Variants in ZCWPW2 observed in about 807,000 individuals in gnomAD.
ZCWPW2 encodes the protein zinc finger CW-type PWWP domain protein 2.
Under a neutral mutation model 46.6 loss-of-function variants are expected in ZCWPW2, and 45 were observed. That is an observed-to-expected ratio of 0.96 (90% CI 0.76 to 1.24). ZCWPW2 has a LOEUF of 1.24. Ranked by LOEUF, ZCWPW2 falls within the 50% of genes most tolerant of loss-of-function variation. The pLI is 0.00. For synonymous variants in ZCWPW2, 152 were observed against 137.1 expected (o/e 1.11, Z -0.76); for missense variants, 429 against 403.9 (o/e 1.06, Z -0.53).
chr3:28,445,647 A>G (rs1222566293), intron 4 of ZCWPW2, among the ~76,000 whole-genome samples: 1 of 152,162 alleles, frequency 6.6e-6, no homozygotes, highest in African/African-American at 2.4e-5. Flanking sequence ...AAAAGCTGTA[A>G]GACATGTTGA....
At chr3:28,518,164 A>G (rs1248674264) in intron 8 of ZCWPW2, among the ~76,000 whole-genome samples, 1 of 148,340 alleles carries the variant, frequency 6.7e-6, no homozygotes, top group Non-Finnish European at 1.5e-5. Context: ...AAATCTAGAT[A>G]TGGACTTCGC....
intron 3 of ZCWPW2, among the ~76,000 whole-genome samples, chr3:28,433,853 G>T (rs1697373938): frequency 6.6e-6 from 1 of 150,538 alleles, no homozygotes; most frequent in African/African-American, 2.4e-5. Context: ...AGCCTCAAAG[G>T]AGTGCTGGGA....
At chr3:28,431,420 C>T (rs1409981161) in intron 3 of ZCWPW2, among the ~76,000 whole-genome samples, 1 of 151,974 alleles carries the variant, frequency 6.6e-6, no homozygotes, top group Admixed American at 6.6e-5. Flanking sequence ...AGACCCTCTT[C>T]TTGGCTTGCA....
chr3:28,490,275 C>CT (rs1256738204), intron 5 of ZCWPW2, among the ~76,000 whole-genome samples: 39 of 152,238 alleles, frequency 2.6e-4, no homozygotes, highest in Admixed American at 1.3e-4. Flanking sequence ...TTTCAAAGAA[C>CT]TTAAAACAGA....
chr3:28,374,468 G>C (rs983604071), intron 1 of ZCWPW2, among the ~76,000 whole-genome samples: 2 of 151,998 alleles, frequency 1.3e-5, no homozygotes, highest in African/African-American at 4.8e-5. Flanking sequence ...CTCTATTTTG[G>C]TTCCATATAA....
At position 28,478,869 on chromosome 3, in the gene ZCWPW2, G is replaced by A; in HGVS notation, c.548G>A (p.Cys183Tyr). 1 of 1,588,628 alleles carries A rather than the reference G, an allele frequency of 6.3e-7. No homozygotes were observed. Among genetic ancestry groups the A allele is most frequent in the Non-Finnish European group, 8.5e-7 (1 of 1,170,410 alleles). ...KWYKSALQEA[C>Y]LLYGYSHEQR... is the part of the protein sequence containing the mutation. ...TATAAAAGTGCACTACAAGAAGCAT[G>A]TCTACTCTATGGATATTCTCATGAG... The change falls in exon 5 of 10, where the codon TGT becomes TAT. Residue 183 changes from cysteine to tyrosine, a missense_variant. Physicochemically the swap from Cys to Tyr is radical, Grantham distance 194. Coordinates refer to ENST00000383768, the MANE Select transcript of ZCWPW2 (RefSeq NM_001040432.4).
intron 4 of ZCWPW2, among the ~76,000 whole-genome samples, chr3:28,452,872 A>T (rs915284643): frequency 2.0e-5 from 3 of 152,212 alleles, no homozygotes; most frequent in African/African-American, 7.2e-5. Context: ...ACTTAAGATC[A>T]TATATAGAAA....
chr3:28,515,715 CTGTGTG>C (rs10539082), intron 8 of ZCWPW2, 94 bp downstream of exon 8: 29,284 of 660,178 alleles, frequency 0.044, 411 homozygotes, highest in South Asian at 0.068. Context: ...AAAAGATTTC[CTGTGTG>C]TGTGTGTGTG....
chr3:28,491,597 G>T (rs965940919), intron 5 of ZCWPW2, among the ~76,000 whole-genome samples: 2 of 151,958 alleles, frequency 1.3e-5, no homozygotes, highest in African/African-American at 4.8e-5. Flanking sequence ...AAAATTAGAG[G>T]CTTGCGATCA....
chr3:28,497,696 C>A (rs1180035637), intron 6 of ZCWPW2, among the ~76,000 whole-genome samples: 3 of 152,160 alleles, frequency 2.0e-5, no homozygotes, highest in East Asian at 1.9e-4. Context: ...CCTCTTTGAA[C>A]CAAGATTTAA....
intron 4 of ZCWPW2, chr3:28,461,133 T>C (rs1698618013): frequency 6.1e-6 from 1 of 163,340 alleles, no homozygotes; most frequent in Non-Finnish European, 1.4e-5. Context: ...ATATAAACAT[T>C]GTGTCTAAAA....
intron 6 of ZCWPW2, among the ~76,000 whole-genome samples, chr3:28,493,136 T>A (rs1270498368): frequency 3.4e-5 from 3 of 87,314 alleles, no homozygotes; most frequent in African/African-American, 4.9e-5. Context: ...TTTTTTTATT[T>A]TATTTTTTTT....
At chr3:28,453,035 A>G (rs566558697) in intron 4 of ZCWPW2, among the ~76,000 whole-genome samples, 1 of 152,320 alleles carries the variant, frequency 6.6e-6, no homozygotes, top group South Asian at 2.1e-4. Context: ...CGTAAACAGA[A>G]GTGTCAAGAA....
chr3:28,423,662 G>A (rs757533710), intron 3 of ZCWPW2, among the ~76,000 whole-genome samples: 32 of 151,848 alleles, frequency 2.1e-4, no homozygotes, highest in Admixed American at 3.3e-4. Flanking sequence ...CACTGCGCCC[G>A]GCCCCTGTGA....
At position 28,365,512 on chromosome 3, in the gene ZCWPW2, G is replaced by A. The variant is rs1370876737; in HGVS notation, c.-134+16309G>A. 9.9e-5 allele frequency among the ~76,000 whole-genome samples: 14 copies of A among 140,824 alleles called. 4 individuals are homozygous for A. Among genetic ancestry groups the A allele is most frequent in the Non-Finnish European group, 1.7e-4 (11 of 62,934 alleles). The allele number at this position is 140,824 out of a possible 152,430, so 92.4% of individuals were successfully genotyped here. A position where few individuals can be genotyped will look rare whatever the true frequency, so the allele number is the denominator to read the frequency against. On this transcript the variant is annotated intron_variant, in intron 1 of 9. Transcript: ENST00000383768. ...TTCTGTTCCGTTAGTCTATATCTCC[G>A]TTTTGGTACCAGTACCATGCTGTTT...
intron 4 of ZCWPW2, among the ~76,000 whole-genome samples, chr3:28,450,684 A>G (rs1329623261): frequency 6.6e-6 from 1 of 152,088 alleles, no homozygotes; most frequent in East Asian, 1.9e-4. Flanking sequence ...TTGGCCATAT[A>G]TCTTAGTGGT....
intron 6 of ZCWPW2, among the ~76,000 whole-genome samples, chr3:28,512,450 GCTGGGATTA>G (rs1179763813): frequency 6.6e-6 from 1 of 152,198 alleles, no homozygotes; most frequent in African/African-American, 2.4e-5. Flanking sequence ...CTCCCAAAGT[GCTGGGATTA>G]CAGGTGCGAA....
At chr3:28,474,891 G>T (rs1699182198) in intron 4 of ZCWPW2, among the ~76,000 whole-genome samples, 1 of 151,880 alleles carries the variant, frequency 6.6e-6, no homozygotes, top group Admixed American at 6.6e-5. Context: ...TGCAGTGGCA[G>T]GATCTCGGCT....
intron 4 of ZCWPW2, among the ~76,000 whole-genome samples, chr3:28,453,914 G>T (rs997457466): frequency 1.3e-5 from 2 of 149,960 alleles, no homozygotes; most frequent in South Asian, 4.2e-4. Context: ...GCGCGATCTC[G>T]GCTCACTGCA....
Sources: allele counts gnomAD v4.1 joint callset (sites outside exome capture counted in the v4.1 genomes callset), GRCh38; gene constraint gnomAD v4.1.1; transcripts MANE v1.5; gene names NCBI Gene and HGNC (gene_info 2026-07-23, HGNC 2026-07-21).